LRRC4C: variants seen among roughly 807,000 people sequenced by gnomAD.
LRRC4C encodes the protein leucine-rich repeat-containing protein 4C.
LRRC4C carries 5 observed loss-of-function variants against 33.6 expected under a neutral mutation model. The observed-to-expected ratio is 0.15, with a 90% CI of 0.08 to 0.31. The LOEUF (loss-of-function observed/expected upper bound fraction) is 0.31, where lower values mean the gene tolerates loss of function less well. Ranked by LOEUF, LRRC4C falls within the 10% of genes least tolerant of loss-of-function variation. The pLI, the probability that LRRC4C is intolerant of heterozygous loss-of-function variation, is 1.00. For synonymous variants in LRRC4C, 329 were observed against 302.0 expected (o/e 1.09, Z -0.93); for missense variants, 560 against 796.7 (o/e 0.70, Z 3.58).
chr11:40,270,637 T>C (rs1188954875), intron 4 of LRRC4C, among the ~76,000 whole-genome samples: 2 of 152,066 alleles, frequency 1.3e-5, no homozygotes, highest in East Asian at 3.9e-4. Flanking sequence ...TCACAGAACC[T>C]CTATTCTTTC....
At position 40,973,904 on chromosome 11, in the gene LRRC4C, A is replaced by G. The variant is rs528356953; in HGVS notation, c.-495-40181T>C. 5.3e-5 allele frequency among the ~76,000 whole-genome samples: 8 copies of G among 152,164 alleles called. No individual in the cohort carries two copies. In the East Asian group the frequency reaches 1.6e-3, roughly 30 times the overall value. On this transcript the variant is annotated intron_variant, in intron 1 of 6. Coordinates refer to ENST00000528697, the MANE Select transcript of LRRC4C (RefSeq NM_001258419.2). ...ACAGCCCCGAGCCCATTTCAGGATG[A>G]AGTAGGGATTGTGGAGCCTCTTTTT... is the stretch of plus-strand genomic sequence containing the variant.
At chr11:40,143,567 TAC>T (rs1369976130) in intron 5 of LRRC4C, among the ~76,000 whole-genome samples, 1 of 152,066 alleles carries the variant, frequency 6.6e-6, no homozygotes, top group African/African-American at 2.4e-5. Context: ...GACAGACCTA[TAC>T]CTACACCTGC....
chr11:40,306,154 T>C (rs1051176223), intron 4 of LRRC4C, among the ~76,000 whole-genome samples: 1 of 152,236 alleles, frequency 6.6e-6, no homozygotes, highest in African/African-American at 2.4e-5. Flanking sequence ...AACATTAATG[T>C]TAAAACTATT....
At chr11:40,203,053 C>T (rs906740312) in intron 5 of LRRC4C, among the ~76,000 whole-genome samples, 3 of 152,154 alleles carry the variant, frequency 2.0e-5, no homozygotes, top group Non-Finnish European at 2.9e-5. Flanking sequence ...CAAGTGAACT[C>T]CCCAGGGAAA....
intron 1 of LRRC4C, among the ~76,000 whole-genome samples, chr11:41,038,031 T>G (rs532637563): frequency 1.4e-4 from 22 of 152,318 alleles, no homozygotes; most frequent in African/African-American, 4.8e-4. Flanking sequence ...CAAAAATTAT[T>G]ATTTCTAACA....
chr11:40,609,145 C>A (rs1322582716), intron 3 of LRRC4C, among the ~76,000 whole-genome samples: 2 of 152,116 alleles, frequency 1.3e-5, no homozygotes, highest in Non-Finnish European at 2.9e-5. Flanking sequence ...ATAGAATATT[C>A]TTCAGGATAC....
intron 4 of LRRC4C, among the ~76,000 whole-genome samples, chr11:40,256,859 A>C (rs1417775145): frequency 1.3e-5 from 2 of 152,146 alleles, no homozygotes; most frequent in Admixed American, 6.5e-5. Context: ...TTTAGATGAG[A>C]GCTTTAGCTT....
intron 2 of LRRC4C, among the ~76,000 whole-genome samples, chr11:40,914,281 T>G (rs1462805144): frequency 6.6e-6 from 1 of 152,098 alleles, no homozygotes; most frequent in Non-Finnish European, 1.5e-5. Flanking sequence ...TGATGAACAT[T>G]AATGCAAAAA....
In LRRC4C at chr11:40,549,849, G is replaced by T. The variant is rs530186511; in HGVS notation, c.-270+98293C>A. Among the ~76,000 whole-genome samples the T allele has an allele frequency of 2.8e-5, 4 of 144,764 alleles. No homozygotes were observed. The East Asian group carries it at 8.0e-4, about 29-fold the overall frequency. 95.0% of individuals were successfully genotyped at this position (144,764 alleles called of 152,430 possible). ...GTTGAATCTATTGCATTGTGCAATT[G>T]TAGGCTATAATTCATTAGGTGACAC... is the stretch of plus-strand genomic sequence containing the variant. On this transcript the variant is annotated intron_variant, in intron 3 of 6. Coordinates refer to ENST00000528697, the MANE Select transcript of LRRC4C (RefSeq NM_001258419.2).
At chr11:40,728,097 G>T (rs1947375526) in intron 2 of LRRC4C, among the ~76,000 whole-genome samples, 1 of 151,832 alleles carries the variant, frequency 6.6e-6, no homozygotes, top group Non-Finnish European at 1.5e-5. Context: ...CCTCTATGAG[G>T]TACCATCTCT....
intron 2 of LRRC4C, among the ~76,000 whole-genome samples, chr11:40,694,097 C>A (rs1405001971): frequency 6.6e-6 from 1 of 152,110 alleles, no homozygotes; most frequent in Non-Finnish European, 1.5e-5. Flanking sequence ...CTCTTTTCTG[C>A]CACGTACCGA....
chr11:40,644,182 G>A (rs1942297600), intron 3 of LRRC4C, among the ~76,000 whole-genome samples: 1 of 152,108 alleles, frequency 6.6e-6, no homozygotes, highest in African/African-American at 2.4e-5. Context: ...ATAAACTTTG[G>A]AGTCTAGAAC....
At chr11:41,102,510 C>A (rs529209050) in intron 1 of LRRC4C, among the ~76,000 whole-genome samples, 5 of 151,934 alleles carry the variant, frequency 3.3e-5, no homozygotes, top group Non-Finnish European at 7.4e-5. Flanking sequence ...ACCACAGGAC[C>A]TTCTGGCTAA....
At chr11:40,418,061 A>T (rs1279150152) in intron 3 of LRRC4C, among the ~76,000 whole-genome samples, 2 of 152,232 alleles carry the variant, frequency 1.3e-5, no homozygotes, top group Non-Finnish European at 2.9e-5. Flanking sequence ...TTCCTACACA[A>T]AACAAAGTCT....
intron 2 of LRRC4C, among the ~76,000 whole-genome samples, chr11:40,888,337 G>A (rs1955554536): frequency 6.6e-6 from 1 of 151,616 alleles, no homozygotes; most frequent in South Asian, 2.1e-4. Context: ...TTAAAATCTT[G>A]TTCATTTGTT....
intron 2 of LRRC4C, among the ~76,000 whole-genome samples, chr11:40,762,331 C>T (rs1949255699): frequency 6.6e-6 from 1 of 152,124 alleles, no homozygotes; most frequent in African/African-American, 2.4e-5. Flanking sequence ...GTGGGTCATT[C>T]CTTTATTTCC....
Position 41,096,953 on chromosome 11 carries a change from T to C in LRRC4C, c.-495-163230A>G, listed in dbSNP as rs149729330. Among the ~76,000 whole-genome samples, 271 of 152,296 alleles carry C rather than the reference T, an allele frequency of 1.8e-3. 1 individual carries two copies. The highest frequency in any genetic ancestry group is 2.9e-3 in the Non-Finnish European group (197 of 68,030). ...TACAGTTTCCAGGTTAGTTTTATTCTGATATCTTACGTGGTCCTCAAAGGT... is the reference window on the plus strand; with the variant it reads ...TACAGTTTCCAGGTTAGTTTTATTCCGATATCTTACGTGGTCCTCAAAGGT... On this transcript the variant is annotated intron_variant, in intron 1 of 6. Transcript: ENST00000528697.
intron 3 of LRRC4C, among the ~76,000 whole-genome samples, chr11:40,486,023 C>A (rs962339549): frequency 1.3e-5 from 2 of 151,634 alleles, no homozygotes; most frequent in Non-Finnish European, 2.9e-5. Flanking sequence ...GAGTGAGGAT[C>A]AGGAAAAATA....
chr11:40,229,482 G>A (rs778159632), intron 5 of LRRC4C, among the ~76,000 whole-genome samples: 6 of 151,850 alleles, frequency 4.0e-5, no homozygotes, highest in East Asian at 3.9e-4. Context: ...CATGTTGGCC[G>A]GGCTGGTCTT....
Sources: gnomAD v4.1 joint callset for allele counts (sites outside exome capture counted in the v4.1 genomes callset) on GRCh38, gnomAD v4.1.1 for gene constraint, MANE v1.5 for transcripts, NCBI Gene and HGNC (gene_info 2026-07-23, HGNC 2026-07-21) for gene names.